Variants in NRG1 observed in about 807,000 individuals in gnomAD.
NRG1 encodes neuregulin 1.
In NRG1, 18 loss-of-function variants were observed where a neutral mutation model predicts 63.8. The ratio of observed to expected loss-of-function variants is 0.28; its 90% CI spans 0.19 to 0.42. The LOEUF is 0.42. Among genes scored for constraint, NRG1 ranks in the 10% least tolerant of loss-of-function variants. The probability of loss-of-function intolerance (pLI) is 1.00; values close to 1 mark genes in which losing one functional copy is unlikely to be tolerated. For synonymous variants in NRG1, 302 were observed against 301.3 expected, an observed-to-expected ratio of 1.00 and a Z score of -0.02; for missense variants, 762 against 814.7, an observed-to-expected ratio of 0.94 and a Z score of 0.79.
rs188389987 is a variant in NRG1, at chr8:32,170,255, A to G, written c.38-425573A>G. On this transcript the variant is annotated intron_variant, in intron 1 of 10. Transcript: ENST00000519301. ...AATTTGATACACCTTCCTAGACCCA[A>G]GTGGGGAAGAAAAGGGAGAAACAGG... Among the ~76,000 whole-genome samples the G allele has an allele frequency of 7.9e-5, 12 of 152,310 alleles. No individual in the cohort carries two copies. In the East Asian group the frequency reaches 1.9e-3, roughly 25 times the overall value.
chr8:32,074,106 A>G (rs1332284919), intron 1 of NRG1, among the ~76,000 whole-genome samples: 6 of 152,176 alleles, frequency 3.9e-5, no homozygotes, highest in Non-Finnish European at 5.9e-5. Context: ...TATTAACATA[A>G]CTTTTTCAAG....
intron 1 of NRG1, among the ~76,000 whole-genome samples, chr8:32,172,151 C>T (rs111496945): frequency 0.15 from 23,294 of 152,126 alleles, 1,995 homozygotes; most frequent in East Asian, 0.26. Flanking sequence ...GACAAAACTT[C>T]CAGAGGAGCG....
chr8:32,179,932 C>A (rs898279862), intron 1 of NRG1, among the ~76,000 whole-genome samples: 1 of 152,028 alleles, frequency 6.6e-6, no homozygotes. Context: ...TGAAGTCCAA[C>A]AGGCAACTAA....
chr8:31,864,543 AG>A (rs1205143064), intron 1 of NRG1, among the ~76,000 whole-genome samples: 4 of 152,100 alleles, frequency 2.6e-5, no homozygotes, highest in East Asian at 3.9e-4. Flanking sequence ...GCCTTGAGGC[AG>A]GGGGGAATGA....
At chr8:32,082,512 T>C (rs1480832664) in intron 1 of NRG1, among the ~76,000 whole-genome samples, 1 of 152,114 alleles carries the variant, frequency 6.6e-6, no homozygotes, top group Non-Finnish European at 1.5e-5. Flanking sequence ...GATGTTGGCC[T>C]CCATTCTTGC....
intron 1 of NRG1, among the ~76,000 whole-genome samples, chr8:31,893,337 T>C (rs1242369893): frequency 6.6e-6 from 1 of 151,448 alleles, no homozygotes; most frequent in Non-Finnish European, 1.5e-5. Flanking sequence ...CAAAAAGATA[T>C]CACACACAAA....
Position 32,615,007 on chromosome 8 carries a change from A to AAACAG in NRG1, c.451+458_451+462dup, listed in dbSNP as rs558409147. On this transcript the variant is annotated intron_variant, in intron 4 of 11. Transcript: ENST00000356819. Reference sequence around the variant, plus strand: ...GTGGATCGCTAAACTTAACAAAACAAAACAGAACAGAACAGAACAAAACAA... The same window carrying AAACAG: ...GTGGATCGCTAAACTTAACAAAACAAAACAGAACAGAACAGAACAGAACAAAACAA... 8.5e-3 allele frequency among the ~76,000 whole-genome samples: 1,272 copies of AAACAG among 148,786 alleles called. 3 individuals are homozygous for AAACAG. The highest frequency in any genetic ancestry group is 0.027 in the Middle Eastern group (8 of 294).
At position 31,695,520 on chromosome 8, in the gene NRG1, C is replaced by T. The variant is rs143526197; in HGVS notation, c.37+56089C>T. On this transcript the variant is annotated intron_variant, in intron 1 of 10. Transcript: ENST00000519301. ...ACCAGATCTCATGAGAACTCACTCA[C>T]TATCACAAGAACAACAAGGGGGAAA... 2.0e-5 allele frequency among the ~76,000 whole-genome samples: 3 copies of T among 152,280 alleles called. No individual in the cohort carries two copies. In the East Asian group the frequency reaches 5.8e-4, roughly 29 times the overall value.
chr8:32,128,351 C>T (rs758423605), intron 1 of NRG1, among the ~76,000 whole-genome samples: 1 of 151,880 alleles, frequency 6.6e-6, no homozygotes, highest in Non-Finnish European at 1.5e-5. Flanking sequence ...ATGTGCATTC[C>T]TATATAATGG....
At chr8:32,048,618 C>G (rs1314858599) in intron 1 of NRG1, among the ~76,000 whole-genome samples, 2 of 151,602 alleles carry the variant, frequency 1.3e-5, no homozygotes, top group African/African-American at 4.8e-5. Flanking sequence ...CCTCCACATC[C>G]TCACTAGCAC....
chr8:31,684,309 T>C (rs1407148919), intron 1 of NRG1, among the ~76,000 whole-genome samples: 4 of 152,230 alleles, frequency 2.6e-5, no homozygotes, highest in African/African-American at 4.8e-5. Flanking sequence ...TCTGACCTCA[T>C]GAATGGGACT....
intron 1 of NRG1, among the ~76,000 whole-genome samples, chr8:32,072,737 G>A (rs1825935828): frequency 6.6e-6 from 1 of 151,958 alleles, no homozygotes; most frequent in Non-Finnish European, 1.5e-5. Context: ...AGGCCTCATT[G>A]GCTTCATGGC....
At chr8:32,412,463 T>TATATGTATATATGTATATATATAC (rs1554532953) in intron 1 of NRG1, among the ~76,000 whole-genome samples, 9 of 115,256 alleles carry the variant, frequency 7.8e-5, no homozygotes, top group Non-Finnish European at 1.7e-4. Flanking sequence ...CATATATATA[T>TATATGTATATATGTATATATATAC]ATATATATAT....
intron 1 of NRG1, among the ~76,000 whole-genome samples, chr8:32,119,574 A>G (rs1181334109): frequency 6.6e-6 from 1 of 152,132 alleles, no homozygotes; most frequent in African/African-American, 2.4e-5. Context: ...AGGTATTACC[A>G]TATGACTAAG....
chr8:32,637,795 G>T (rs963096087), intron 5 of NRG1, among the ~76,000 whole-genome samples: 3 of 152,152 alleles, frequency 2.0e-5, no homozygotes, highest in Non-Finnish European at 4.4e-5. Flanking sequence ...CACATTTTGT[G>T]TGCTCCCTTA....
At chr8:32,763,821 C>A in exon 12 of NRG1, 2 of 1,609,570 alleles carry the variant, frequency 1.2e-6, no homozygotes, top group Non-Finnish European at 1.7e-6. Context: ...CCCCAAATCG[C>A]CCCCTTCGGA....
chr8:32,291,929 C>T (rs1854251808), intron 1 of NRG1, among the ~76,000 whole-genome samples: 1 of 152,108 alleles, frequency 6.6e-6, no homozygotes. Context: ...GGCTTGGTAC[C>T]AGCACCAGCT....
chr8:32,216,788 T>C (rs1181978948), intron 1 of NRG1, among the ~76,000 whole-genome samples: 3 of 151,932 alleles, frequency 2.0e-5, no homozygotes, highest in African/African-American at 7.2e-5. Context: ...GAACCTTAAC[T>C]AATACATCTA....
At chr8:32,262,955 A>G (rs1850545066) in intron 1 of NRG1, among the ~76,000 whole-genome samples, 1 of 152,154 alleles carries the variant, frequency 6.6e-6, no homozygotes, top group South Asian at 2.1e-4. Context: ...ATCCAGTCCC[A>G]TAATAAAAAA....
Sources: allele counts gnomAD v4.1 joint callset (sites outside exome capture counted in the v4.1 genomes callset), GRCh38; gene constraint gnomAD v4.1.1; transcripts MANE v1.5; gene names NCBI Gene and HGNC (gene_info 2026-07-23, HGNC 2026-07-21).